The following KRABD3 variants were observed in gnomAD, a reference collection of about 807,000 sequenced individuals.
KRABD3 encodes the protein KRAB domain-containing protein 3.
chr7:149,728,651 A>G, the KRABD3 span: 1 of 1,613,620 alleles, frequency 6.2e-7, no homozygotes, highest in Non-Finnish European at 8.5e-7. Flanking sequence ...AGCAGAGCCC[A>G]GGAACTGGAC....
chr7:149,717,274 A>G, the KRABD3 span, among the ~76,000 whole-genome samples: 21,670 of 152,160 alleles, frequency 0.14, 1,698 homozygotes, highest in Middle Eastern at 0.24. Flanking sequence ...ACACCACGTC[A>G]TTTGCTCAGC....
the KRABD3 span, among the ~76,000 whole-genome samples, chr7:149,718,895 A>G: frequency 1.3e-5 from 2 of 152,258 alleles, no homozygotes; most frequent in Non-Finnish European, 2.9e-5. Flanking sequence ...AGATGAGTAC[A>G]GAGAATAGGA....
At chr7:149,716,163 C>T in the KRABD3 span, among the ~76,000 whole-genome samples, 1 of 152,090 alleles carries the variant, frequency 6.6e-6, no homozygotes, top group Non-Finnish European at 1.5e-5. Context: ...TCAGGGAGCC[C>T]GAGCCTGAGG....
At chr7:149,730,027 G>GAAC in the KRABD3 span, 1 of 1,383,606 alleles carries the variant, frequency 7.2e-7, no homozygotes, top group South Asian at 1.8e-5. Flanking sequence ...GGGTCCACTA[G>GAAC]AACGCATGCT....
At chr7:149,725,718 C>T in the KRABD3 span, among the ~76,000 whole-genome samples, 1 of 152,230 alleles carries the variant, frequency 6.6e-6, no homozygotes, top group Admixed American at 6.5e-5. Context: ...ACGAGACTCA[C>T]TGTGGGGTTT....
the KRABD3 span, chr7:149,715,101 G>C: frequency 2.7e-5 from 33 of 1,230,852 alleles, no homozygotes; most frequent in Non-Finnish European, 3.2e-5. Flanking sequence ...CCTCGGCGCA[G>C]TGCGGCCCCG....
At chr7:149,723,776 T>C in the KRABD3 span, 1 of 1,613,998 alleles carries the variant, frequency 6.2e-7, no homozygotes, top group Non-Finnish European at 8.5e-7. Flanking sequence ...CTCCAGGGTC[T>C]GCTACACTGT....
chr7:149,715,289 TG>T, the KRABD3 span: 1 of 1,219,952 alleles, frequency 8.2e-7, no homozygotes, highest in Non-Finnish European at 1.0e-6. Context: ...GAAACCCCCT[TG>T]GCGTGGCTTG....
chr7:149,717,333 C>T, the KRABD3 span, among the ~76,000 whole-genome samples: 18,650 of 152,238 alleles, frequency 0.12, 1,214 homozygotes, highest in Middle Eastern at 0.23. Flanking sequence ...TGGGAAGCCT[C>T]CTGACACCTA....
chr7:149,721,031 A>C, the KRABD3 span: 1 of 1,605,438 alleles, frequency 6.2e-7, no homozygotes, highest in Non-Finnish European at 8.5e-7. Context: ...CCTCCTCTGC[A>C]CTCCGCATGA....
chr7:149,718,815 G>A, the KRABD3 span, among the ~76,000 whole-genome samples: 3 of 152,136 alleles, frequency 2.0e-5, no homozygotes, highest in Admixed American at 6.5e-5. Flanking sequence ...ACACCCAGCC[G>A]AAGGATTATT....
At chr7:149,731,361 G>T in the KRABD3 span, among the ~76,000 whole-genome samples, 1 of 152,194 alleles carries the variant, frequency 6.6e-6, no homozygotes, top group African/African-American at 2.4e-5. Flanking sequence ...TGGACCACAG[G>T]ATGCCCCAGC....
chr7:149,725,462 T>G, the KRABD3 span: 1 of 1,611,370 alleles, frequency 6.2e-7, no homozygotes, highest in Non-Finnish European at 8.5e-7. Context: ...AAGCCTGAAC[T>G]GCAACCCCAC....
the KRABD3 span, chr7:149,721,374 C>T: frequency 4.0e-5 from 63 of 1,580,404 alleles, no homozygotes; most frequent in African/African-American, 8.1e-5. Flanking sequence ...CCCTCTTTCC[C>T]GACAGCAGCT....
the KRABD3 span, among the ~76,000 whole-genome samples, chr7:149,718,734 C>G: frequency 0.014 from 2,122 of 152,134 alleles, 58 homozygotes; most frequent in African/African-American, 0.048. Context: ...AGCCTGGTCT[C>G]GAACTCCTGA....
chr7:149,717,113 T>C, the KRABD3 span, among the ~76,000 whole-genome samples: 1 of 152,196 alleles, frequency 6.6e-6, no homozygotes, highest in Non-Finnish European at 1.5e-5. Flanking sequence ...GTGGTACCAG[T>C]GCAACCAACA....
At chr7:149,720,945 G>A in the KRABD3 span, 4 of 1,613,590 alleles carry the variant, frequency 2.5e-6, no homozygotes, top group Admixed American at 1.7e-5. Context: ...CCCCGAGAGC[G>A]AGAGCCGGGG....
chr7:149,714,995 T>C, the KRABD3 span: 1 of 1,209,994 alleles, frequency 8.3e-7, no homozygotes, highest in Non-Finnish European at 1.0e-6. Context: ...GAGGGTCGCG[T>C]GCGCCCGCGC....
At chr7:149,720,919 A>G in the KRABD3 span, 5 of 1,613,506 alleles carry the variant, frequency 3.1e-6, no homozygotes, top group South Asian at 5.5e-5. Context: ...GGAGAAGTCA[A>G]GGGCGCTATG....
Sources: gnomAD v4.1 joint callset for allele counts (sites outside exome capture counted in the v4.1 genomes callset) on GRCh38, gnomAD v4.1.1 for gene constraint, MANE v1.5 for transcripts, NCBI Gene and HGNC (gene_info 2026-07-23, HGNC 2026-07-21) for gene names.